AKAP12: variants seen among roughly 807,000 people sequenced by gnomAD.
The protein encoded by AKAP12 is A-kinase anchor protein 12.
In AKAP12, 32 loss-of-function variants were observed where a neutral mutation model predicts 79.9. The ratio of observed to expected loss-of-function variants is 0.40; its 90% CI spans 0.30 to 0.54. The LOEUF (loss-of-function observed/expected upper bound fraction) is 0.54. Ranked by LOEUF, AKAP12 falls within the 20% of genes least tolerant of loss-of-function variation. The pLI is 0.48. For synonymous variants in AKAP12, 808 were observed against 857.0 expected (o/e 0.94, Z 1.00); for missense variants, 2,074 against 2,177.0 (o/e 0.95, Z 0.94).
At chr6:151,329,706 G>C (rs1156998965) in intron 3 of AKAP12, among the ~76,000 whole-genome samples, 1 of 152,198 alleles carries the variant, frequency 6.6e-6, no homozygotes. Context: ...ACACGAAATT[G>C]ATACTTTCAC....
intron 2 of AKAP12, among the ~76,000 whole-genome samples, chr6:151,244,069 C>T (rs2114673806): frequency 6.6e-6 from 1 of 152,210 alleles, no homozygotes; most frequent in South Asian, 2.1e-4. Flanking sequence ...TCTGTTGCAA[C>T]AGGGTGAGGC....
At position 151,352,428 on chromosome 6, in the gene AKAP12, C is replaced by T. The variant is rs766827096; in HGVS notation, c.4037C>T (p.Thr1346Ile). 1 of 1,614,188 alleles carries T rather than the reference C, an allele frequency of 6.2e-7. No homozygotes were observed. Among genetic ancestry groups the T allele is most frequent in the Admixed American group, 1.7e-5 (1 of 60,024 alleles). The change falls in exon 4 of 5, where the codon ACA becomes ATA. Residue 1346 changes from threonine (T) to isoleucine (I), a missense_variant. Thr to Ile is a moderately conservative substitution (Grantham distance 89, BLOSUM62 -1). Coordinates refer to ENST00000402676, the MANE Select transcript of AKAP12 (RefSeq NM_005100.4). The part of the protein sequence containing the change: ...EMVVQVEREK[T>I]EAEPTHVNEE... The stretch of plus-strand genomic sequence containing the variant: ...GTAGTTCAAGTCGAAAGGGAGAAAA[C>T]AGAAGCAGAGCCAACCCATGTGAAT...
At chr6:151,347,068 T>C (rs1372598129) in intron 3 of AKAP12, among the ~76,000 whole-genome samples, 2 of 152,212 alleles carry the variant, frequency 1.3e-5, no homozygotes, top group African/African-American at 4.8e-5. Flanking sequence ...AATGCACACA[T>C]TGCACATGAA....
chr6:151,348,636 C>T (rs750612902), intron 3 of AKAP12, 75 bp from the exon 4 acceptor site: 13 of 1,128,748 alleles, frequency 1.2e-5, no homozygotes, highest in South Asian at 6.3e-5. Flanking sequence ...GAGGCCCTGT[C>T]GGAGAAAAAC....
At chr6:151,330,953 G>A (rs1047592555) in intron 3 of AKAP12, among the ~76,000 whole-genome samples, 6 of 152,114 alleles carry the variant, frequency 3.9e-5, no homozygotes, top group Admixed American at 6.6e-5. Context: ...CTTTGGGGAC[G>A]GGGAGATTAT....
At chr6:151,301,447 T>G (rs1426389461) in intron 2 of AKAP12, among the ~76,000 whole-genome samples, 1 of 152,178 alleles carries the variant, frequency 6.6e-6, no homozygotes, top group Non-Finnish European at 1.5e-5. Flanking sequence ...TTTCCTCTAT[T>G]TGAGGTGACT....
intron 3 of AKAP12, among the ~76,000 whole-genome samples, chr6:151,306,595 G>A (rs1776983393): frequency 1.3e-5 from 2 of 152,166 alleles, no homozygotes; most frequent in African/African-American, 2.4e-5. Context: ...TCGGCATACG[G>A]TAAATTGATT....
chr6:151,274,378 C>T (rs777386325), intron 2 of AKAP12, among the ~76,000 whole-genome samples: 1 of 152,044 alleles, frequency 6.6e-6, no homozygotes, highest in Non-Finnish European at 1.5e-5. Context: ...TGCACCCGGC[C>T]TACCTTCAGT....
intron 2 of AKAP12, among the ~76,000 whole-genome samples, chr6:151,305,185 TTA>T (rs1554327016): frequency 2.7e-5 from 4 of 150,892 alleles, no homozygotes; most frequent in African/African-American, 9.9e-5. Context: ...TTTTTTTTTT[TTA>T]AAACCTACTT....
At chr6:151,298,434 A>G (rs1400924015) in intron 2 of AKAP12, among the ~76,000 whole-genome samples, 2 of 152,346 alleles carry the variant, frequency 1.3e-5, no homozygotes, top group South Asian at 4.1e-4. Flanking sequence ...ATTTATGTTA[A>G]TAGTTGACTT....
intron 3 of AKAP12, chr6:151,324,928 A>C: frequency 1.0e-6 from 1 of 985,444 alleles, no homozygotes; most frequent in Non-Finnish European, 1.2e-6. Flanking sequence ...GTGTGCTTGC[A>C]TGTTAGAGAT....
At chr6:151,335,629 C>T (rs1242201024) in intron 3 of AKAP12, among the ~76,000 whole-genome samples, 1 of 152,050 alleles carries the variant, frequency 6.6e-6, no homozygotes, top group Non-Finnish European at 1.5e-5. Context: ...CACCACCACG[C>T]CCAGCTAACT....
chr6:151,345,932 TGAGAGA>T (rs56202215), intron 3 of AKAP12, among the ~76,000 whole-genome samples: 8,389 of 100,556 alleles, frequency 0.083, 272 homozygotes, highest in Middle Eastern at 0.24. Flanking sequence ...TGTGTGTGTG[TGAGAGA>T]GAGAGAGAGA....
At chr6:151,266,706 G>A (rs1481473303) in intron 2 of AKAP12, among the ~76,000 whole-genome samples, 1 of 152,102 alleles carries the variant, frequency 6.6e-6, no homozygotes, top group Admixed American at 6.5e-5. Flanking sequence ...CCATAGCCTT[G>A]TCGAAGATGT....
intron 3 of AKAP12, among the ~76,000 whole-genome samples, chr6:151,313,773 T>C (rs1777173208): frequency 6.6e-6 from 1 of 152,220 alleles, no homozygotes; most frequent in Non-Finnish European, 1.5e-5. Flanking sequence ...TAAGACTGCT[T>C]TAATTACTAC....
intron 2 of AKAP12, among the ~76,000 whole-genome samples, chr6:151,278,834 A>AT (rs1271596474): frequency 6.6e-6 from 1 of 151,636 alleles, no homozygotes; most frequent in Non-Finnish European, 1.5e-5. Context: ...TGCCCGGCTA[A>AT]TTTTTTGTAT....
At chr6:151,321,901 A>ATGTTGTTGTTTTTTGTTTTT (rs1163269904) in intron 3 of AKAP12, among the ~76,000 whole-genome samples, 1 of 58,462 alleles carries the variant, frequency 1.7e-5, no homozygotes. Flanking sequence ...CATCAGCTTT[A>ATGTTGTTGTTTTTTGTTTTT]TGTTTTTTTT....
At chr6:151,275,498 A>T (rs1776275238) in intron 2 of AKAP12, among the ~76,000 whole-genome samples, 1 of 152,234 alleles carries the variant, frequency 6.6e-6, no homozygotes. Flanking sequence ...TCAACAAAAC[A>T]GCGTGACTGA....
chr6:151,323,718 T>C (rs1777457232), intron 3 of AKAP12: 1 of 985,320 alleles, frequency 1.0e-6, no homozygotes, highest in Admixed American at 6.1e-5. Context: ...TTTTTCTTCC[T>C]ATCCAGCTCA....
Sources: gnomAD v4.1 joint callset for allele counts (sites outside exome capture counted in the v4.1 genomes callset) on GRCh38, gnomAD v4.1.1 for gene constraint, MANE v1.5 for transcripts, NCBI Gene and HGNC (gene_info 2026-07-23, HGNC 2026-07-21) for gene names.